FAHD2B: variants seen among roughly 807,000 people sequenced by gnomAD.
FAHD2B encodes the protein oxaloacetate tautomerase FAHD2B, mitochondrial.
In FAHD2B, 26 loss-of-function variants were observed where a neutral mutation model predicts 33.7. That is an observed-to-expected ratio of 0.77 (90% confidence interval 0.57 to 1.07). The LOEUF (loss-of-function observed/expected upper bound fraction) is 1.07, where lower values mean the gene tolerates loss of function less well. Among genes scored for constraint, FAHD2B ranks in the 50% least tolerant of loss-of-function variants. The pLI is 0.00. For synonymous variants in FAHD2B, 108 were observed against 150.9 expected, an observed-to-expected ratio of 0.72 and a Z score of 2.08; for missense variants, 272 against 388.1, an observed-to-expected ratio of 0.70 and a Z score of 2.51.
In FAHD2B at chr2:97,084,001, T is replaced by C. The variant is rs1397471574; in HGVS notation, c.829A>G (p.Thr277Ala). 1 of 1,613,668 alleles carries C rather than the reference T, an allele frequency of 6.2e-7. No individual in the cohort carries two copies. The highest frequency in any genetic ancestry group is 8.5e-7 in the Non-Finnish European group (1 of 1,179,974). ...ACACCGACACCTGGGGGGGTCCCAG[T>C]TAGGATGACATCCCCTGGGTAAAAG... The part of the protein sequence containing the change: ...VTFYPGDVIL[T>A]GTPPGVGVFR... Residue 277 changes from threonine to alanine, a missense_variant, in exon 8 of 9, where the codon ACT (threonine) becomes GCT (alanine). By Grantham distance (58) the Thr-to-Ala change is moderately conservative. Transcript: ENST00000414820.
chr2:97,081,060 A>C, downstream of FAHD2B: 1 of 1,485,194 alleles, frequency 6.7e-7, no homozygotes, highest in Non-Finnish European at 9.0e-7. Flanking sequence ...GCAGTGGTGA[A>C]GGGAACGGCT....
chr2:97,083,516 C>T, downstream of FAHD2B: 1 of 838,500 alleles, frequency 1.2e-6, no homozygotes. Context: ...TCTTCCCAGT[C>T]CCACAAAATG....
Position 97,083,766 on chromosome 2 carries a change from T to C in FAHD2B, c.934A>G (p.Lys312Glu), listed in dbSNP as rs748225610. The C allele has an allele frequency of 2.5e-6, 4 of 1,614,072 alleles. No individual in the cohort carries two copies. The highest frequency in any genetic ancestry group is 3.4e-6 in the Non-Finnish European group (4 of 1,180,020). Reference protein sequence around the residue: ...EIEELGVIINKVV With the variant: ...EIEELGVIINEVV ...CTGTGCAGGAGCCATCACACCACCT[T>C]GTTGATGATGACACCTAGTTCTTCA... Residue 312 changes from lysine to glutamate, a missense_variant, in exon 9 of 9, where the codon AAG (lysine) becomes GAG (glutamate). Coordinates refer to ENST00000414820, the MANE Select transcript of FAHD2B (RefSeq NM_001320848.2).
downstream of FAHD2B, among the ~76,000 whole-genome samples, chr2:97,079,244 T>C (rs577449552): frequency 6.6e-6 from 1 of 152,228 alleles, no homozygotes; most frequent in African/African-American, 2.4e-5. Context: ...TGCATGCATG[T>C]GTCTTTATAA....
chr2:97,090,263 G>A lies in FAHD2B; in HGVS notation c.308C>T (p.Thr103Ile), dbSNP rs1292532392. Residue 103 changes from threonine to isoleucine, a missense_variant, in exon 4 of 9, where the codon ACA becomes ATA. Coordinates refer to ENST00000414820, the MANE Select transcript of FAHD2B (RefSeq NM_001320848.2). ...CACACACACCACCTTATCTGGCCAT[G>A]TGACTGGAGCCAGGAAGGTTACCTC... is the stretch of plus-strand genomic sequence containing the variant. The part of the protein sequence containing the change: ...WSEVTFLAPV[T>I]WPDKVVCVGM... The A allele has an allele frequency of 6.2e-7, 1 of 1,613,120 alleles. No individual in the cohort carries two copies.
chr2:97,085,458 G>A lies in FAHD2B; in HGVS notation c.685+241C>T, dbSNP rs1238551866. Among the ~76,000 whole-genome samples the A allele has an allele frequency of 3.3e-5, 5 of 151,908 alleles. 1 individual carries two copies. In the South Asian group the frequency reaches 1.1e-3, roughly 32 times the overall value. On this transcript the variant is annotated intron_variant, in intron 6 of 8. Coordinates refer to ENST00000414820, the MANE Select transcript of FAHD2B (RefSeq NM_001320848.2). Reference sequence around the variant, plus strand: ...TCCACCCATCAGCTCAGTGTTCTTTGTAATTTACTTCACGCATGCAGTTTC... The same window carrying A: ...TCCACCCATCAGCTCAGTGTTCTTTATAATTTACTTCACGCATGCAGTTTC...
chr2:97,092,322 AC>A (rs2032396518), intron 1 of FAHD2B, among the ~76,000 whole-genome samples: 1 of 152,096 alleles, frequency 6.6e-6, no homozygotes, highest in African/African-American at 2.4e-5. Context: ...TAGAACCTCT[AC>A]CAGGCTGTCC....
chr2:97,084,006 A>G lies in FAHD2B; in HGVS notation c.824T>C (p.Ile275Thr). 1.2e-6 allele frequency: 2 copies of G among 1,613,772 alleles called. No homozygotes were observed. Among genetic ancestry groups the G allele is most frequent in the Middle Eastern group, 1.7e-4 (1 of 6,060 alleles). The change falls in exon 8 of 9, where the codon ATC becomes ACC. Residue 275 changes from isoleucine (I) to threonine (T), a missense_variant. Ile to Thr is a moderately conservative substitution (Grantham distance 89). Coordinates refer to ENST00000414820, the MANE Select transcript of FAHD2B (RefSeq NM_001320848.2). Reference sequence around the variant, plus strand: ...GACACCTGGGGGGGTCCCAGTTAGGATGACATCCCCTGGGTAAAAGGTAAC... The same window carrying G: ...GACACCTGGGGGGGTCCCAGTTAGGGTGACATCCCCTGGGTAAAAGGTAAC... ...QFVTFYPGDVILTGTPPGVGV... is the reference protein window; with the variant it reads ...QFVTFYPGDVTLTGTPPGVGV...
intron 4 of FAHD2B, 99 bp downstream of exon 4, chr2:97,090,010 A>G (rs1221167773): frequency 3.9e-6 from 6 of 1,523,240 alleles, no homozygotes; most frequent in African/African-American, 1.4e-5. Flanking sequence ...TGTTGAATGC[A>G]CTACTGAGCG....
At chr2:97,083,089 T>G (rs1014418885), downstream of FAHD2B, 12 of 1,489,652 alleles carry the variant, frequency 8.1e-6, no homozygotes, top group Non-Finnish European at 1.1e-5. Flanking sequence ...CCCTGAGCCA[T>G]GCAGACACAG....
intron 3 of FAHD2B, among the ~76,000 whole-genome samples, chr2:97,091,142 G>A (rs1395152862): frequency 1.9e-4 from 15 of 80,762 alleles, no homozygotes; most frequent in African/African-American, 3.7e-4. Context: ...TAGGACCCCC[G>A]GGCCCAGACC....
Position 97,085,736 on chromosome 2 carries a change from A to G in FAHD2B, c.648T>C (p.Pro216=). Residue 216 remains proline (P), a synonymous_variant, in exon 6 of 9, where the codon CCT becomes CCC. Coordinates refer to ENST00000414820, the MANE Select transcript of FAHD2B (RefSeq NM_001320848.2). ...LLGKTFDTFC[P]LGPALVTKDS... ...CCTTGGTCACCAAGGCAGGGCCCAG[A>G]GGGCAGAAGGTGTCGAAGGTTTTTC... The G allele has an allele frequency of 6.2e-7, 1 of 1,613,814 alleles. No individual in the cohort carries two copies. Among genetic ancestry groups the G allele is most frequent in the Non-Finnish European group, 8.5e-7 (1 of 1,179,844 alleles).
chr2:97,081,296 G>C, downstream of FAHD2B: 1 of 1,488,990 alleles, frequency 6.7e-7, no homozygotes, highest in Non-Finnish European at 8.9e-7. Flanking sequence ...TTCCCCTCTT[G>C]GTGGTAGGAA....
At chr2:97,080,179 C>T (rs528124246), downstream of FAHD2B, among the ~76,000 whole-genome samples, 5 of 152,078 alleles carry the variant, frequency 3.3e-5, no homozygotes, top group African/African-American at 1.2e-4. Flanking sequence ...GTCTATGTTC[C>T]GAATGGTATT....
downstream of FAHD2B, chr2:97,082,464 G>C (rs532369897): frequency 1.2e-6 from 2 of 1,613,276 alleles, no homozygotes; most frequent in African/African-American, 1.3e-5. Context: ...AGGGATCTTC[G>C]GTGAGTCTCA....
chr2:97,081,433 C>T (rs1574365097), downstream of FAHD2B: 11 of 1,556,188 alleles, frequency 7.1e-6, no homozygotes, highest in East Asian at 2.6e-4. Flanking sequence ...GCCTTTTTCT[C>T]CCAGCCCTGC....
downstream of FAHD2B, among the ~76,000 whole-genome samples, chr2:97,080,704 T>C (rs1234372084): frequency 1.3e-5 from 2 of 152,132 alleles, no homozygotes; most frequent in African/African-American, 2.4e-5. Context: ...ATAATATTGA[T>C]TCTCCCTATA....
In FAHD2B at chr2:97,084,007, T is replaced by A. The variant is rs1453217152; in HGVS notation, c.823A>T (p.Ile275Phe). 4.3e-6 allele frequency: 7 copies of A among 1,613,600 alleles called. No individual in the cohort carries two copies. The highest frequency in any genetic ancestry group is 5.1e-6 in the Non-Finnish European group (6 of 1,179,986). The change falls in exon 8 of 9, where the codon ATC becomes TTC. Residue 275 changes from isoleucine (I) to phenylalanine (F), a missense_variant. Physicochemically the swap from Ile to Phe is conservative, Grantham distance 21. Transcript: ENST00000414820. ...ACACCTGGGGGGGTCCCAGTTAGGA[T>A]GACATCCCCTGGGTAAAAGGTAACA... ...QFVTFYPGDV[I>F]LTGTPPGVGV...
chr2:97,084,419 G>C, intron 6 of FAHD2B, 142 bp from the exon 7 acceptor site: 2 of 913,454 alleles, frequency 2.2e-6, no homozygotes, highest in Non-Finnish European at 3.3e-6. Flanking sequence ...AGTGCACTAT[G>C]TTAGAACTTT....
Sources: gnomAD v4.1 joint callset for allele counts (sites outside exome capture counted in the v4.1 genomes callset) on GRCh38, gnomAD v4.1.1 for gene constraint, MANE v1.5 for transcripts, NCBI Gene and HGNC (gene_info 2026-07-23, HGNC 2026-07-21) for gene names.